Variants in RASSF8 observed in about 807,000 individuals in gnomAD.
The protein encoded by RASSF8 is ras association domain-containing protein 8.
In RASSF8, 22 loss-of-function variants were observed where a neutral mutation model predicts 48.5. The ratio of observed to expected loss-of-function variants is 0.45; its 90% confidence interval spans 0.32 to 0.65. The LOEUF (loss-of-function observed/expected upper bound fraction) is 0.65, where lower values mean the gene tolerates loss of function less well. Among genes scored for constraint, RASSF8 ranks in the 30% least tolerant of loss-of-function variants. The probability of loss-of-function intolerance (pLI) is 0.03; values close to 1 mark genes in which losing one functional copy is unlikely to be tolerated. For synonymous variants in RASSF8, 127 were observed against 171.5 expected, an observed-to-expected ratio of 0.74 and a Z score of 2.03; for missense variants, 418 against 489.2, an observed-to-expected ratio of 0.85 and a Z score of 1.37.
At chr12:26,044,913 A>G (rs138960090) in intron 2 of RASSF8, among the ~76,000 whole-genome samples, 362 of 152,306 alleles carry the variant, frequency 2.4e-3, no homozygotes, top group African/African-American at 8.5e-3. Flanking sequence ...AGCTGTTTGG[A>G]ACAAAAGCAT....
chr12:25,976,166 T>G (rs969065820), intron 1 of RASSF8, among the ~76,000 whole-genome samples: 1 of 152,022 alleles, frequency 6.6e-6, no homozygotes, highest in Non-Finnish European at 1.5e-5. Context: ...AGAACTAAAT[T>G]GAAAGGAAAA....
chr12:25,989,295 G>C (rs1309204399), intron 1 of RASSF8, among the ~76,000 whole-genome samples: 1 of 152,152 alleles, frequency 6.6e-6, no homozygotes, highest in East Asian at 1.9e-4. Flanking sequence ...CACATTTTCT[G>C]ATGTGTGTTC....
chr12:26,054,500 C>T (rs1227683165), intron 2 of RASSF8, among the ~76,000 whole-genome samples: 1 of 152,130 alleles, frequency 6.6e-6, no homozygotes, highest in Non-Finnish European at 1.5e-5. Flanking sequence ...AAACAGTTCA[C>T]ACATGAGGAA....
At chr12:25,959,976 T>C (rs1422303035) in intron 1 of RASSF8, among the ~76,000 whole-genome samples, 2 of 152,056 alleles carry the variant, frequency 1.3e-5, no homozygotes, top group Admixed American at 1.3e-4. Context: ...GCGAAATGAA[T>C]GCAAATCACG....
rs551599088 is a variant in RASSF8, at chr12:25,965,099, C to T, written c.-203+5951C>T. On this transcript the variant is annotated intron_variant, in intron 1 of 5. Coordinates refer to ENST00000689635, the MANE Select transcript of RASSF8 (RefSeq NM_001394098.1). ...CTGGGACTACAGGTCCCCGCCACCA[C>T]GCCCAGCTAATTTTTTACATTTTTA... Among the ~76,000 whole-genome samples, 28 of 152,114 alleles carry T rather than the reference C, an allele frequency of 1.8e-4. No homozygotes were observed. In the South Asian group the frequency reaches 3.5e-3, roughly 19 times the overall value.
At chr12:26,054,795 G>A (rs557963503) in intron 2 of RASSF8, among the ~76,000 whole-genome samples, 1 of 152,292 alleles carries the variant, frequency 6.6e-6, no homozygotes, top group South Asian at 2.1e-4. Flanking sequence ...TTTGACAACT[G>A]TTCTTAAATT....
intron 2 of RASSF8, among the ~76,000 whole-genome samples, chr12:26,039,833 A>G (rs1943227228): frequency 6.6e-6 from 1 of 152,256 alleles, no homozygotes; most frequent in South Asian, 2.1e-4. Context: ...AATAAAAGGT[A>G]TAACTAATGG....
In RASSF8 at chr12:26,065,024, G is replaced by A; in HGVS notation, c.630G>A (p.Glu210=). 6.2e-7 allele frequency: 1 copy of A among 1,613,458 alleles called. No individual in the cohort carries two copies. The highest frequency in any genetic ancestry group is 1.3e-5 in the African/African-American group (1 of 74,934). Residue 210 remains glutamate, a synonymous_variant, in exon 4 of 6, where the codon GAG becomes GAA. Transcript: ENST00000689635. ...SNLEEEIVRL[E]QKIKRNDVEI... ...TTGAAGAGGAAATTGTCCGTCTAGAGCAAAAGATCAAAAGAAACGATGTAG... is the reference window on the plus strand; with the variant it reads ...TTGAAGAGGAAATTGTCCGTCTAGAACAAAAGATCAAAAGAAACGATGTAG...
chr12:26,027,984 C>T (rs1942952053), intron 2 of RASSF8, among the ~76,000 whole-genome samples: 1 of 151,952 alleles, frequency 6.6e-6, no homozygotes. Flanking sequence ...GCTCTGGGGA[C>T]ATCAAAGATG....
upstream of RASSF8, chr12:25,958,568 G>A (rs1282404403): frequency 6.8e-6 from 1 of 148,060 alleles, no homozygotes; most frequent in Non-Finnish European, 1.5e-5. Flanking sequence ...GCCGAGGGGG[G>A]CGCCCCCGCG....
At chr12:26,010,452 A>G (rs1309937133) in intron 2 of RASSF8, among the ~76,000 whole-genome samples, 2 of 152,178 alleles carry the variant, frequency 1.3e-5, no homozygotes. Context: ...ATGCAGGCCC[A>G]GTGCCAGCAC....
chr12:26,004,209 C>G (rs1337918226), intron 2 of RASSF8, among the ~76,000 whole-genome samples: 1 of 152,060 alleles, frequency 6.6e-6, no homozygotes, highest in Non-Finnish European at 1.5e-5. Context: ...TGAGACTGGA[C>G]TATACACAGA....
chr12:26,030,423 C>T (rs1224553808), intron 2 of RASSF8, among the ~76,000 whole-genome samples: 1 of 152,148 alleles, frequency 6.6e-6, no homozygotes, highest in Non-Finnish European at 1.5e-5. Context: ...GAAAGTTCTG[C>T]AGGGCTCTGT....
intron 2 of RASSF8, among the ~76,000 whole-genome samples, chr12:26,034,914 G>A (rs958368062): frequency 6.7e-6 from 1 of 150,330 alleles, no homozygotes; most frequent in African/African-American, 2.5e-5. Flanking sequence ...GTTTGTTGTA[G>A]ACTGCTTTTA....
chr12:26,027,039 T>C (rs1305280587), intron 2 of RASSF8, among the ~76,000 whole-genome samples: 2 of 152,204 alleles, frequency 1.3e-5, no homozygotes, highest in African/African-American at 4.8e-5. Flanking sequence ...CAATGAAATA[T>C]TATTTGGCAA....
intron 1 of RASSF8, chr12:25,973,759 G>A (rs1238774058): frequency 6.6e-6 from 1 of 152,144 alleles, no homozygotes; most frequent in African/African-American, 2.4e-5. Flanking sequence ...TCTACCATGT[G>A]AGGACACAGC....
Position 26,055,224 on chromosome 12 carries a change from G to T in RASSF8, c.-108-12G>T, listed in dbSNP as rs1233506258. The T allele has an allele frequency of 1.8e-5, 13 of 721,814 alleles. No individual in the cohort carries two copies. The highest frequency in any genetic ancestry group is 3.0e-5 in the Non-Finnish European group (12 of 404,516). The allele number at this position is 721,814 out of a possible 1,614,324, so 44.7% of individuals were successfully genotyped here. A position where few individuals can be genotyped will look rare whatever the true frequency, so the allele number is the denominator to read the frequency against. On this transcript the variant is annotated splice_polypyrimidine_tract_variant and intron_variant, in intron 2 of 5. Coordinates refer to ENST00000689635, the MANE Select transcript of RASSF8 (RefSeq NM_001394098.1). ...TTCATTTTATTACAAGTGATTTTTT[G>T]CCCTTTTTTAGCTGACTACACAGAC...
At position 26,052,015 on chromosome 12, in the gene RASSF8, T is replaced by C. The variant is rs900237743; in HGVS notation, c.-108-3221T>C. On this transcript the variant is annotated intron_variant, in intron 2 of 5. Transcript: ENST00000689635. ...ACAAAAAACATGGCACCAAGTAGAC[T>C]GAGAAAGGACACATGTTGACAGTAT... Among the ~76,000 whole-genome samples, 78 of 152,114 alleles carry C rather than the reference T, an allele frequency of 5.1e-4. 1 individual carries two copies. Among genetic ancestry groups the C allele is most frequent in the Non-Finnish European group, 1.6e-4 (11 of 68,026 alleles).
intron 1 of RASSF8, among the ~76,000 whole-genome samples, chr12:25,973,114 A>G (rs924509058): frequency 1.2e-4 from 18 of 152,042 alleles, no homozygotes; most frequent in South Asian, 2.1e-4. Flanking sequence ...ATCATAGCCC[A>G]CTGCATGCTT....
Sources: gnomAD v4.1 joint callset for allele counts (sites outside exome capture counted in the v4.1 genomes callset) on GRCh38, gnomAD v4.1.1 for gene constraint, MANE v1.5 for transcripts, NCBI Gene and HGNC (gene_info 2026-07-23, HGNC 2026-07-21) for gene names.